Variants in BICDL1 observed in about 807,000 individuals in gnomAD.
BICDL1 encodes BICD family-like cargo adapter 1.
A neutral mutation model predicts 76.8 loss-of-function variants in BICDL1; 20 were observed. That is an observed-to-expected ratio of 0.26 (90% CI 0.18 to 0.38). BICDL1 has a LOEUF of 0.38. BICDL1 is among the 10% of genes least tolerant of loss of function. The pLI is 1.00. For synonymous variants in BICDL1, 383 were observed against 337.1 expected, an observed-to-expected ratio of 1.14 and a Z score of -1.49; for missense variants, 700 against 798.6, an observed-to-expected ratio of 0.88 and a Z score of 1.49.
chr12:120,047,625 A>G (rs1449490030), intron 2 of BICDL1, among the ~76,000 whole-genome samples: 1 of 152,164 alleles, frequency 6.6e-6, no homozygotes, highest in Non-Finnish European at 1.5e-5. Flanking sequence ...TGTGCTAAAC[A>G]TTTCATATAT....
intron 2 of BICDL1, among the ~76,000 whole-genome samples, chr12:120,054,686 G>A: frequency 6.6e-6 from 1 of 152,032 alleles, no homozygotes; most frequent in East Asian, 1.9e-4. Flanking sequence ...AGACCAGCCT[G>A]GCCAACATGA....
rs117803573 is a variant in BICDL1, at chr12:119,994,369, T to G, written c.429+4072T>G. Among the ~76,000 whole-genome samples the G allele has an allele frequency of 7.2e-4, 110 of 152,110 alleles. No individual in the cohort carries two copies. The East Asian group carries it at 0.013, about 18-fold the overall frequency. On this transcript the variant is annotated intron_variant, in intron 1 of 9. Coordinates refer to ENST00000548673, the MANE Select transcript of BICDL1 (RefSeq NM_001367886.1). ...TTTTCAGAACCATGTACTGGACTTC[T>G]GAGCATATTGTCAGTTTTTTGGTTC...
At position 120,003,303 on chromosome 12, in the gene BICDL1, T is replaced by C. The variant is rs894344329; in HGVS notation, c.645+4567T>C. On this transcript the variant is annotated intron_variant, in intron 2 of 9. Transcript: ENST00000548673. ...GAATACTGTTAGACTGTAAACTCTA[T>C]GAGAGCAGGGACTCTATCTGTCTTG... Among the ~76,000 whole-genome samples the C allele has an allele frequency of 2.6e-5, 4 of 152,218 alleles. No individual in the cohort carries two copies. In the East Asian group the frequency reaches 7.7e-4, roughly 29 times the overall value.
rs568194446 is a variant in BICDL1 at position 119,997,720 on chromosome 12, A to G, written c.430-801A>G. ...TCTAAGACGAGATGGTTAATTGAAA[A>G]GATCTCTGGAGTTCTTTTCATCTCT... is the stretch of plus-strand genomic sequence containing the variant. On this transcript the variant is annotated intron_variant, in intron 1 of 9. Coordinates refer to ENST00000548673, the MANE Select transcript of BICDL1 (RefSeq NM_001367886.1). 2.8e-4 allele frequency among the ~76,000 whole-genome samples: 43 copies of G among 152,296 alleles called. 1 individual carries two copies. The highest frequency in any genetic ancestry group is 3.4e-3 in the Middle Eastern group (1 of 294).
chr12:119,998,789 C>T, intron 2 of BICDL1, 53 bp downstream of exon 2: 2 of 1,529,762 alleles, frequency 1.3e-6, no homozygotes, highest in East Asian at 2.4e-5. Context: ...TTGAAATAGG[C>T]TGGGCATGGA....
At chr12:120,092,905 C>T (rs1875105479) in intron 9 of BICDL1, 95 bp from the exon 10 acceptor site, 16 of 1,479,126 alleles carry the variant, frequency 1.1e-5, no homozygotes, top group African/African-American at 1.4e-5. Flanking sequence ...ACATTCTCAT[C>T]TCTCATCTGT....
chr12:120,076,082 C>T (rs981070066), intron 7 of BICDL1, among the ~76,000 whole-genome samples: 4 of 152,206 alleles, frequency 2.6e-5, no homozygotes, highest in Admixed American at 6.5e-5. Context: ...TTGCTTGAAA[C>T]CAAGAGGCGG....
intron 1 of BICDL1, among the ~76,000 whole-genome samples, chr12:119,992,267 C>T (rs1414742548): frequency 1.3e-5 from 2 of 152,074 alleles, no homozygotes; most frequent in Non-Finnish European, 2.9e-5. Context: ...AGTGACAAAC[C>T]TGGTTTACAG....
At chr12:120,089,304 G>C (rs1007814259) in intron 8 of BICDL1, among the ~76,000 whole-genome samples, 4 of 121,086 alleles carry the variant, frequency 3.3e-5, no homozygotes, top group Non-Finnish European at 6.3e-5. Context: ...GTGTGTGTGT[G>C]GGGTGTGACG....
chr12:120,085,596 G>C (rs1376593997), intron 8 of BICDL1, among the ~76,000 whole-genome samples: 2 of 152,148 alleles, frequency 1.3e-5, no homozygotes, highest in Non-Finnish European at 2.9e-5. Context: ...GATTGCTTGA[G>C]CCTAGGGGTT....
chr12:120,031,957 G>GC (rs1952432659), intron 2 of BICDL1, among the ~76,000 whole-genome samples: 1 of 152,068 alleles, frequency 6.6e-6, no homozygotes, highest in Non-Finnish European at 1.5e-5. Context: ...GGGCATGGTG[G>GC]TGTGCACCTG....
At position 120,071,907 on chromosome 12, in the gene BICDL1, G is replaced by A. The variant is rs995216532; in HGVS notation, c.1089+106G>A. 1.3e-5 allele frequency: 18 copies of A among 1,419,776 alleles called. No individual in the cohort carries two copies. The highest frequency in any genetic ancestry group is 2.6e-4 in the Middle Eastern group (1 of 3,850). 87.9% of individuals were successfully genotyped at this position (1,419,776 alleles called of 1,614,324 possible). On this transcript the variant is annotated intron_variant, in intron 5 of 9. Transcript: ENST00000548673. This position sits in a 1 kb window ranked among gnomAD's most constrained non-coding sequence, Gnocchi z 4.8. ...CATCCTGGCAAGGCTGTGCCCCTGT[G>A]CCTGTGTCAGCCCCTTGGCCTGCTG... is the stretch of plus-strand genomic sequence containing the variant.
chr12:119,989,985 C>T lies in BICDL1; in HGVS notation c.117C>T (p.Ala39=), dbSNP rs1266446077. Residue 39 remains alanine, a synonymous_variant, in exon 1 of 10, where the codon GCC becomes GCT. Coordinates refer to ENST00000548673, the MANE Select transcript of BICDL1 (RefSeq NM_001367886.1). ...GGGACGCAGTCCGGAGTCCCGCCGCCGCCGCCGCCCTCATCTTCCCCGGGG... is the reference window on the plus strand; with the variant it reads ...GGGACGCAGTCCGGAGTCCCGCCGCTGCCGCCGCCCTCATCTTCCCCGGGG... The part of the protein sequence containing the change: ...AAGDAVRSPA[A]AAALIFPGGS... 2.7e-6 allele frequency: 4 copies of T among 1,470,760 alleles called. No homozygotes were observed. The highest frequency in any genetic ancestry group is 1.4e-5 in the South Asian group (1 of 73,186). 91.1% of individuals were successfully genotyped at this position (1,470,760 alleles called of 1,614,324 possible).
intron 2 of BICDL1, among the ~76,000 whole-genome samples, chr12:120,008,881 G>A (rs1951899917): frequency 3.3e-5 from 5 of 151,314 alleles, no homozygotes; most frequent in Admixed American, 3.3e-4. Context: ...TCCAGATTGT[G>A]CTATTGCTAA....
chr12:120,073,843 C>T (rs1027751144), intron 6 of BICDL1, among the ~76,000 whole-genome samples: 7 of 152,336 alleles, frequency 4.6e-5, no homozygotes, highest in Admixed American at 2.0e-4. Context: ...TCCCACCACA[C>T]GGCTTCCTTT....
intron 2 of BICDL1, chr12:120,018,833 C>G (rs1205349777): frequency 1.3e-5 from 2 of 152,116 alleles, no homozygotes; most frequent in Non-Finnish European, 2.9e-5. Context: ...ATCACGAGGT[C>G]AGGAGATCAA....
At chr12:120,054,618 C>A (rs1315571529) in intron 2 of BICDL1, among the ~76,000 whole-genome samples, 1 of 152,026 alleles carries the variant, frequency 6.6e-6, no homozygotes, top group Admixed American at 6.6e-5. Context: ...GTGGCTCACG[C>A]CTAATCCCAA....
At chr12:120,019,904 A>G (rs1952144589) in intron 2 of BICDL1, among the ~76,000 whole-genome samples, 1 of 152,238 alleles carries the variant, frequency 6.6e-6, no homozygotes, top group Non-Finnish European at 1.5e-5. Flanking sequence ...GATGTAAGCA[A>G]GGGAATGGGT....
intron 4 of BICDL1, among the ~76,000 whole-genome samples, chr12:120,067,733 A>G (rs1433807937): frequency 6.6e-6 from 1 of 152,210 alleles, no homozygotes; most frequent in African/African-American, 2.4e-5. Flanking sequence ...GTCTGTGCCA[A>G]ACTTCCTCCT....
Sources: allele counts gnomAD v4.1 joint callset (sites outside exome capture counted in the v4.1 genomes callset), GRCh38; gene constraint gnomAD v4.1.1; non-coding constraint Gnocchi (gnomAD v3.1); transcripts MANE v1.5; gene names NCBI Gene and HGNC (gene_info 2026-07-23, HGNC 2026-07-21).